STUB1: variants seen among roughly 807,000 people sequenced by gnomAD.
The protein encoded by STUB1 is E3 ubiquitin-protein ligase CHIP.
Under a neutral mutation model 40.3 loss-of-function variants are expected in STUB1, and 37 were observed. The ratio of observed to expected loss-of-function variants is 0.92; its 90% confidence interval spans 0.71 to 1.21. The LOEUF (loss-of-function observed/expected upper bound fraction) is 1.21. Ranked by LOEUF, STUB1 falls within the 50% of genes most tolerant of loss-of-function variation. STUB1 has a pLI of 0.00. For synonymous variants in STUB1, 246 were observed against 171.9 expected, an observed-to-expected ratio of 1.43 and a Z score of -3.37; for missense variants, 460 against 421.9, an observed-to-expected ratio of 1.09 and a Z score of -0.79.
chr16:681,059 C>G (rs1326668626), intron 1 of STUB1, 93 bp from the exon 2 acceptor site: 24 of 1,319,194 alleles, frequency 1.8e-5, no homozygotes, highest in East Asian at 5.1e-5. Context: ...TTTCTTGATT[C>G]TAGCCAGAGC....
At position 680,680 on chromosome 16, in the gene STUB1, C is replaced by T; in HGVS notation, c.155C>T (p.Ala52Val). The T allele has an allele frequency of 2.4e-6, 3 of 1,255,980 alleles. No homozygotes were observed. The highest frequency in any genetic ancestry group is 2.0e-6 in the Non-Finnish European group (2 of 992,670). 77.8% of individuals were successfully genotyped at this position (1,255,980 alleles called of 1,614,324 possible). Residue 52 changes from alanine (A) to valine (V), a missense_variant, in exon 1 of 7, where the codon GCG becomes GTG. Coordinates refer to ENST00000219548, the MANE Select transcript of STUB1 (RefSeq NM_005861.4). The surrounding 1 kb of genome is among the most constrained non-coding windows in gnomAD (Gnocchi z 4.9). ...GAGGCGGCGGCCTGCTACGGCCGCG[C>T]GATCGTGAGTGCGCCCGCGCGGGGA... ...YPEAAACYGR[A>V]ITRNPLVAVY... is the part of the protein sequence containing the mutation.
In STUB1 at chr16:682,628, T is replaced by A; in HGVS notation, c.*139T>A. 1 of 1,435,676 alleles carries A rather than the reference T, an allele frequency of 7.0e-7. No individual in the cohort carries two copies. The highest frequency in any genetic ancestry group is 9.5e-7 in the Non-Finnish European group (1 of 1,050,750). 88.9% of individuals were successfully genotyped at this position (1,435,676 alleles called of 1,614,324 possible). Reference sequence around the variant, plus strand: ...GTTGGACTCTGGACTGTTTCCCCTCTCAGCATCGCTTTTGCTGGGCCGTGA... The same window carrying A: ...GTTGGACTCTGGACTGTTTCCCCTCACAGCATCGCTTTTGCTGGGCCGTGA... On this transcript the variant is annotated 3_prime_UTR_variant, in exon 7 of 7. Transcript: ENST00000219548.
At position 682,755 on chromosome 16, in the gene STUB1, G is replaced by T; in HGVS notation, c.*266G>T. ...AAAATCCGTGAGCACGAGGTGGGAC[G>T]TGCTGGTGTGTGACCGGCAGTCCTG... On this transcript the variant is annotated 3_prime_UTR_variant, in exon 7 of 7. Coordinates refer to ENST00000219548, the MANE Select transcript of STUB1 (RefSeq NM_005861.4). The T allele has an allele frequency of 1.2e-6, 2 of 1,601,324 alleles. No homozygotes were observed.
chr16:681,828 A>G lies in STUB1; in HGVS notation c.560A>G (p.Asp187Gly), dbSNP rs759732187. Residue 187 changes from aspartate to glycine, a missense_variant, in exon 4 of 7, where the codon GAT becomes GGT. Coordinates refer to ENST00000219548, the MANE Select transcript of STUB1 (RefSeq NM_005861.4). Reference protein sequence around the residue: ...LEECQRNHEGDEDDSHVRAQQ... With the variant: ...LEECQRNHEGGEDDSHVRAQQ... ...GAGTGCCAGCGAAACCACGAGGGTG[A>G]TGAGGACGACAGCCACGTCCGGGCC... 1 of 1,609,408 alleles carries G rather than the reference A, an allele frequency of 6.2e-7. No individual in the cohort carries two copies. Among genetic ancestry groups the G allele is most frequent in the South Asian group, 1.1e-5 (1 of 90,876 alleles).
chr16:682,009 A>T lies in STUB1; in HGVS notation c.613-11A>T, dbSNP rs1228172235. On this transcript the variant is annotated splice_polypyrimidine_tract_variant and intron_variant, in intron 4 of 6. Transcript: ENST00000219548. ...GTGTCTCCCCCAAGCACAGCACTCA[A>T]CTCTTCACAGGACAAGTACATGGCG... 6.2e-6 allele frequency: 10 copies of T among 1,608,194 alleles called. No homozygotes were observed. Among genetic ancestry groups the T allele is most frequent in the Non-Finnish European group, 8.5e-6 (10 of 1,175,932 alleles).
chr16:682,661 C>G lies in STUB1; in HGVS notation c.*172C>G. On this transcript the variant is annotated 3_prime_UTR_variant, in exon 7 of 7. Transcript: ENST00000219548. Reference sequence around the variant, plus strand: ...GCTTTTGCTGGGCCGTGATCGTCCCCCTTTGTGGGCTGGAAAAGCAGGTGA... The same window carrying G: ...GCTTTTGCTGGGCCGTGATCGTCCCGCTTTGTGGGCTGGAAAAGCAGGTGA... 2 of 1,405,054 alleles carry G rather than the reference C, an allele frequency of 1.4e-6. No homozygotes were observed. Among genetic ancestry groups the G allele is most frequent in the Non-Finnish European group, 2.0e-6 (2 of 1,024,576 alleles). 87.0% of individuals were successfully genotyped at this position (1,405,054 alleles called of 1,614,324 possible). A position where few individuals can be genotyped will look rare whatever the true frequency, so the allele number is the denominator to read the frequency against.
chr16:682,205 T>C lies in STUB1; in HGVS notation c.710T>C (p.Phe237Ser). 1.2e-6 allele frequency: 2 copies of C among 1,612,952 alleles called. No homozygotes were observed. The highest frequency in any genetic ancestry group is 1.1e-5 in the South Asian group (1 of 91,080). ...IPDYLCGKIS[F>S]ELMREPCITP... is the part of the protein sequence containing the mutation. ...GACTACCTGTGTGGCAAGATCAGCT[T>C]TGAGCTGATGCGGGAGCCGTGCATC... is the stretch of plus-strand genomic sequence containing the variant. Residue 237 changes from phenylalanine (F) to serine (S), a missense_variant, in exon 6 of 7, where the codon TTT becomes TCT. Phe to Ser is a radical substitution (Grantham distance 155, BLOSUM62 -2). Transcript: ENST00000219548.
At chr16:681,407 CAG>C (rs1185217104) in intron 2 of STUB1, 29 bp from the exon 3 acceptor site, 17 of 1,610,396 alleles carry the variant, frequency 1.1e-5, no homozygotes, top group Admixed American at 6.7e-5. Flanking sequence ...GTGGACTGGC[CAG>C]AGAGTGACGT....
At position 680,855 on chromosome 16, in the gene STUB1, T is replaced by C; in HGVS notation, c.159+171T>C. 2 of 538,654 alleles carry C rather than the reference T, an allele frequency of 3.7e-6. No individual in the cohort carries two copies. Among genetic ancestry groups the C allele is most frequent in the African/African-American group, 2.1e-5 (1 of 47,732 alleles). The allele number at this position is 538,654 out of a possible 1,614,324, so 33.4% of individuals were successfully genotyped here. ...CGGGTGCCGGAGAACGAGGGTGCGATGCTGGATGGAGGCCGGCCGGGTGGG... is the reference window on the plus strand; with the variant it reads ...CGGGTGCCGGAGAACGAGGGTGCGACGCTGGATGGAGGCCGGCCGGGTGGG... On this transcript the variant is annotated intron_variant, in intron 1 of 6. Transcript: ENST00000219548. This position sits in a 1 kb window ranked among gnomAD's most constrained non-coding sequence, Gnocchi z 4.9.
Position 680,880 on chromosome 16 carries a change from G to T in STUB1, c.159+196G>T, listed in dbSNP as rs1364828386. 2 of 588,278 alleles carry T rather than the reference G, an allele frequency of 3.4e-6. No homozygotes were observed. Among genetic ancestry groups the T allele is most frequent in the Non-Finnish European group, 5.4e-6 (2 of 371,426 alleles). The allele number at this position is 588,278 out of a possible 1,614,324, so 36.4% of individuals were successfully genotyped here. A position where few individuals can be genotyped will look rare whatever the true frequency, so the allele number is the denominator to read the frequency against. The stretch of plus-strand genomic sequence containing the variant: ...TGCTGGATGGAGGCCGGCCGGGTGG[G>T]GGGAGGGCAGGGGCCCTCGACCCTT... On this transcript the variant is annotated intron_variant, in intron 1 of 6. Transcript: ENST00000219548. This position sits in a 1 kb window ranked among gnomAD's most constrained non-coding sequence, Gnocchi z 4.9.
chr16:681,555 G>A lies in STUB1; in HGVS notation c.476G>A (p.Ser159Asn). The stretch of plus-strand genomic sequence containing the variant: ...GAGGAGCGGCGCATCCACCAGGAGA[G>A]CGAGCTGCACTCCTACCTCTCCAGG... ...SIEERRIHQE[S>N]ELHSYLSRLI... The change falls in exon 3 of 7, where the codon AGC (serine) becomes AAC (asparagine). Residue 159 changes from serine (S) to asparagine (N), a missense_variant. Physicochemically the swap from Ser to Asn is conservative, Grantham distance 46 (BLOSUM62 1). Coordinates refer to ENST00000219548, the MANE Select transcript of STUB1 (RefSeq NM_005861.4). The A allele has an allele frequency of 6.2e-7, 1 of 1,611,732 alleles. No homozygotes were observed. The highest frequency in any genetic ancestry group is 1.1e-5 in the South Asian group (1 of 90,994).
rs760532166 is a variant in STUB1 at position 682,114 on chromosome 16, G to A, written c.669+38G>A. On this transcript the variant is annotated intron_variant, in intron 5 of 6. Coordinates refer to ENST00000219548, the MANE Select transcript of STUB1 (RefSeq NM_005861.4). ...CGCTTGCTGCCGATGGCTGGCAGGTGCTCGTGCAGTGCCCCTTTTCAGCCT... is the reference window on the plus strand; with the variant it reads ...CGCTTGCTGCCGATGGCTGGCAGGTACTCGTGCAGTGCCCCTTTTCAGCCT... The A allele has an allele frequency of 8.8e-6, 14 of 1,585,356 alleles. No homozygotes were observed. The East Asian group carries it at 3.2e-4, about 36-fold the overall frequency.
intron 4 of STUB1, 67 bp downstream of exon 4, chr16:681,947 T>C: frequency 1.2e-6 from 2 of 1,612,130 alleles, no homozygotes; most frequent in South Asian, 2.2e-5. Context: ...ATCCCCGCCT[T>C]GTGTTGGGTC....
intron 4 of STUB1, 69 bp from the exon 5 acceptor site, chr16:681,951 T>A: frequency 6.2e-7 from 1 of 1,612,618 alleles, no homozygotes; most frequent in Non-Finnish European, 8.5e-7. Flanking sequence ...CCGCCTTGTG[T>A]TGGGTCTGTG....
rs1425935507 is a variant in STUB1, at chr16:680,630, T to C, written c.105T>C (p.Arg35=). 7.2e-7 allele frequency: 1 copy of C among 1,381,044 alleles called. No homozygotes were observed. The highest frequency in any genetic ancestry group is 2.8e-5 in the Admixed American group (1 of 36,246). The allele number at this position is 1,381,044 out of a possible 1,614,324, so 85.5% of individuals were successfully genotyped here. ...SAQELKEQGN[R]LFVGRKYPEA... ...AGGAGCTCAAGGAGCAGGGCAATCG[T>C]CTGTTCGTGGGCCGAAAGTACCCGG... is the stretch of plus-strand genomic sequence containing the variant. The change falls in exon 1 of 7, where the codon CGT becomes CGC. Residue 35 remains arginine (R), a synonymous_variant. Coordinates refer to ENST00000219548, the MANE Select transcript of STUB1 (RefSeq NM_005861.4). The surrounding 1 kb of genome is among the most constrained non-coding windows in gnomAD (Gnocchi z 4.9).
intron 3 of STUB1, 70 bp downstream of exon 3, chr16:681,673 T>C (rs1596549920): frequency 6.4e-7 from 1 of 1,562,500 alleles, no homozygotes; most frequent in Non-Finnish European, 8.7e-7. Context: ...CACAAGCGTT[T>C]ATCGAAGGCT....
chr16:682,760 G>A lies in STUB1; in HGVS notation c.*271G>A. 7 of 1,607,572 alleles carry A rather than the reference G, an allele frequency of 4.4e-6. No individual in the cohort carries two copies. Among genetic ancestry groups the A allele is most frequent in the Non-Finnish European group, 6.0e-6 (7 of 1,175,542 alleles). ...CCGTGAGCACGAGGTGGGACGTGCT[G>A]GTGTGTGACCGGCAGTCCTGCCAGC... On this transcript the variant is annotated 3_prime_UTR_variant, in exon 7 of 7. Transcript: ENST00000219548.
Position 681,660 on chromosome 16 carries a change from C to A in STUB1, c.524+57C>A, listed in dbSNP as rs182100203. The A allele has an allele frequency of 3.8e-6, 6 of 1,568,256 alleles. No individual in the cohort carries two copies. The African/African-American group carries it at 6.8e-5, about 18-fold the overall frequency. ...GGGATAATTCTGAATCACCGACTCC[C>A]GACACAAGCGTTTATCGAAGGCTTT... On this transcript the variant is annotated intron_variant, in intron 3 of 6. Coordinates refer to ENST00000219548, the MANE Select transcript of STUB1 (RefSeq NM_005861.4).
intron 1 of STUB1, 133 bp from the exon 2 acceptor site, chr16:681,019 C>T (rs749231230): frequency 5.4e-6 from 5 of 926,230 alleles, no homozygotes; most frequent in Admixed American, 2.6e-5. Flanking sequence ...GATCCTTGGA[C>T]CCAGGGGCTT....
Sources: gnomAD v4.1 joint callset for allele counts on GRCh38, gnomAD v4.1.1 for gene constraint, Gnocchi (gnomAD v3.1) non-coding constraint, MANE v1.5 for transcripts, NCBI Gene and HGNC (gene_info 2026-07-23, HGNC 2026-07-21) for gene names.